The following RP1 variants were observed in gnomAD, a reference collection of about 807,000 sequenced individuals.
RP1 encodes RP1 axonemal microtubule associated.
RP1 carries 16 observed loss-of-function variants against 14.8 expected under a neutral mutation model. The observed-to-expected ratio is 1.08, with a 90% confidence interval of 0.73 to 1.65. The LOEUF (loss-of-function observed/expected upper bound fraction) is 1.65, where lower values mean the gene tolerates loss of function less well. Among genes scored for constraint, RP1 ranks in the 40% most tolerant of loss-of-function variants. The pLI, the probability that RP1 is intolerant of heterozygous loss-of-function variation, is 0.00. For missense variants in RP1, 2,631 were observed against 2,535.0 expected (o/e 1.04, Z -0.81); for synonymous variants, 876 against 883.6 (o/e 0.99, Z 0.15).
At chr8:54,579,641 G>A (rs2129295943) in intron 1 of RP1, among the ~76,000 whole-genome samples, 1 of 152,260 alleles carries the variant, frequency 6.6e-6, no homozygotes, top group Middle Eastern at 3.4e-3. Flanking sequence ...CTTTGAATGG[G>A]TCCAGCATCT....
intron 27 of RP1, among the ~76,000 whole-genome samples, chr8:54,860,691 C>T (rs969655883): frequency 3.2e-4 from 48 of 152,348 alleles, no homozygotes; most frequent in African/African-American, 1.1e-3. Flanking sequence ...TGCAGGATGC[C>T]AGTCCCTGGG....
intron 24 of RP1, among the ~76,000 whole-genome samples, chr8:54,795,124 C>T (rs895431778): frequency 6.6e-6 from 1 of 151,738 alleles, no homozygotes; most frequent in African/African-American, 2.4e-5. Flanking sequence ...AAAAGGGAAC[C>T]CTTGTATATT....
Position 54,755,771 on chromosome 8 carries a change from G to T in RP1, c.3093+1G>T, listed in dbSNP as rs1185607560. On this transcript the variant is annotated splice_donor_variant, in intron 21 of 22. Transcript: ENST00000636932. LOFTEE classifies it high-confidence loss of function. ...GCAAGTAAAATTTCAAAGAGGACAG[G>T]TGAGTCTATACAAATAATTTCCCAG... 1.3e-6 allele frequency: 2 copies of T among 1,508,892 alleles called. No individual in the cohort carries two copies. The highest frequency in any genetic ancestry group is 1.8e-6 in the Non-Finnish European group (2 of 1,132,102). The allele number at this position is 1,508,892 out of a possible 1,614,324, so 93.5% of individuals were successfully genotyped here. A position where few individuals can be genotyped will look rare whatever the true frequency, so the allele number is the denominator to read the frequency against.
chr8:54,632,339 A>G (rs1458528119), downstream of RP1, among the ~76,000 whole-genome samples: 1 of 152,224 alleles, frequency 6.6e-6, no homozygotes, highest in Non-Finnish European at 1.5e-5. Flanking sequence ...TACACCAAAC[A>G]GTGTCCTTCA....
exon 25 of RP1, chr8:54,837,487 G>A (rs1336521546): frequency 1.8e-5 from 22 of 1,231,272 alleles, no homozygotes; most frequent in Middle Eastern, 3.1e-4. Flanking sequence ...TATAAAATAC[G>A]TATTGGACAT....
intron 23 of RP1, chr8:54,780,982 C>T (rs147201757): frequency 1.6e-5 from 16 of 980,504 alleles, no homozygotes; most frequent in African/African-American, 7.0e-5. Flanking sequence ...AGAAGAAATC[C>T]GAATTTATTA....
In RP1 at chr8:54,701,586, A is replaced by G. The variant is rs755013459; in HGVS notation, c.1922A>G (p.Asp641Gly). ...GTTCCTGGTCACACAGTTGTTTTTG[A>G]TCGTCATGGCAAAATAGCTGATGCA... Residue 641 changes from aspartate (D) to glycine (G), a missense_variant, in exon 14 of 23, where the codon GAT becomes GGT. Coordinates refer to the RP1 transcript ENST00000636932. The G allele has an allele frequency of 2.1e-5, 33 of 1,535,518 alleles. No homozygotes were observed. Among genetic ancestry groups the G allele is most frequent in the Middle Eastern group, 1.7e-4 (1 of 6,004 alleles).
chr8:54,674,074 A>G (rs1585597002), intron 8 of RP1: 1 of 635,958 alleles, frequency 1.6e-6, no homozygotes, highest in East Asian at 2.9e-5. Context: ...ATTGTCTCCA[A>G]ATACCCTTTA....
At chr8:54,835,844 T>A (rs770264010) in intron 24 of RP1, among the ~76,000 whole-genome samples, 5 of 152,204 alleles carry the variant, frequency 3.3e-5, no homozygotes, top group Non-Finnish European at 5.9e-5. Flanking sequence ...GGAGCTTGGC[T>A]ACTGATTTCT....
At chr8:54,765,132 G>A (rs554778545) in intron 22 of RP1, among the ~76,000 whole-genome samples, 61 of 152,322 alleles carry the variant, frequency 4.0e-4, no homozygotes, top group Non-Finnish European at 5.9e-4. Context: ...AGATTCTTCC[G>A]TGGAAGCAAG....
chr8:54,582,316 T>C (rs1296503947), intron 1 of RP1, among the ~76,000 whole-genome samples: 1 of 152,182 alleles, frequency 6.6e-6, no homozygotes, highest in East Asian at 1.9e-4. Context: ...TGGTTGTAGA[T>C]ATGCGGCATT....
At chr8:54,867,251 G>A (rs998949080) in intron 28 of RP1, among the ~76,000 whole-genome samples, 1 of 152,150 alleles carries the variant, frequency 6.6e-6, no homozygotes, top group Admixed American at 6.5e-5. Context: ...AACTTAATAA[G>A]GAGTTGAATT....
rs117694032 is a variant in RP1 at position 54,617,100 on chromosome 8, T to C, written c.-13+898T>C. On this transcript the variant is annotated intron_variant, in intron 1 of 3. Transcript: ENST00000220676. The stretch of plus-strand genomic sequence containing the variant: ...AGACGATATTGGTAGCAAGCTGTCA[T>C]GTCATTAGAAGCGGATTTTAAGGCA... Among the ~76,000 whole-genome samples the C allele has an allele frequency of 9.3e-3, 1,412 of 152,362 alleles. 12 individuals carry two copies. Among genetic ancestry groups the C allele is most frequent in the Non-Finnish European group, 0.016 (1,076 of 68,036 alleles).
At chr8:54,679,645 C>T in intron 11 of RP1, 1 of 1,535,428 alleles carries the variant, frequency 6.5e-7, no homozygotes, top group Non-Finnish European at 8.7e-7. Flanking sequence ...TTTGTTTGGG[C>T]TTTAGATTAT....
intron 6 of RP1, chr8:54,656,301 G>T: frequency 7.5e-7 from 1 of 1,331,624 alleles, no homozygotes; most frequent in Non-Finnish European, 1.0e-6. Flanking sequence ...CACATGTTGA[G>T]TAAATGAATG....
chr8:54,727,258 G>T (rs2129353071), intron 17 of RP1, among the ~76,000 whole-genome samples: 1 of 152,158 alleles, frequency 6.6e-6, no homozygotes, highest in African/African-American at 2.4e-5. Flanking sequence ...TGCTGCAAAG[G>T]ACTAGTCTCA....
At chr8:54,632,856 T>C (rs117727078), downstream of RP1, among the ~76,000 whole-genome samples, 156 of 152,300 alleles carry the variant, frequency 1.0e-3, no homozygotes, top group Non-Finnish European at 1.9e-3. Context: ...AAGGATATTA[T>C]AGAGAGCTAG....
Position 54,562,674 on chromosome 8 carries a change from C to CA in RP1, c.-13+3367dup, listed in dbSNP as rs202200045. On this transcript the variant is annotated intron_variant, in intron 1 of 22. Transcript: ENST00000636932. The stretch of plus-strand genomic sequence containing the variant: ...GGGTGACAAGAGGGAAACTCCGTCT[C>CA]AAAAAAAAAAAAATCTTTTAAGTAA... Among the ~76,000 whole-genome samples, 878 of 140,862 alleles carry CA rather than the reference C, an allele frequency of 6.2e-3. 9 individuals are homozygous for CA. The highest frequency in any genetic ancestry group is 0.021 in the African/African-American group (769 of 37,382). The allele number at this position is 140,862 out of a possible 152,430, so 92.4% of individuals were successfully genotyped here. A position where few individuals can be genotyped will look rare whatever the true frequency, so the allele number is the denominator to read the frequency against.
chr8:54,753,341 G>A (rs374958421), intron 19 of RP1, among the ~76,000 whole-genome samples: 7 of 152,334 alleles, frequency 4.6e-5, no homozygotes, highest in African/African-American at 1.7e-4. Flanking sequence ...GCTTGTGGTA[G>A]TATTGAGATG....
Sources: gnomAD v4.1 joint callset for allele counts (sites outside exome capture counted in the v4.1 genomes callset) on GRCh38, gnomAD v4.1.1 for gene constraint, MANE v1.5 for transcripts, NCBI Gene and HGNC (gene_info 2026-07-23, HGNC 2026-07-21) for gene names.